The following CFAP299 variants were observed in gnomAD, a reference collection of about 807,000 sequenced individuals.
CFAP299 encodes cilia- and flagella-associated protein 299.
CFAP299 carries 21 observed loss-of-function variants against 27.0 expected under a neutral mutation model. The observed-to-expected ratio is 0.78, with a 90% confidence interval of 0.55 to 1.12. CFAP299 has a LOEUF of 1.12. Among genes scored for constraint, CFAP299 ranks in the 50% most tolerant of loss-of-function variants. The pLI, the probability that CFAP299 is intolerant of heterozygous loss-of-function variation, is 0.00. For missense variants in CFAP299, 310 were observed against 276.6 expected, an observed-to-expected ratio of 1.12 and a Z score of -0.86; for synonymous variants, 104 against 98.1, an observed-to-expected ratio of 1.06 and a Z score of -0.36.
At chr4:80,886,244 C>T (rs1420722767) in intron 4 of CFAP299, among the ~76,000 whole-genome samples, 1 of 152,194 alleles carries the variant, frequency 6.6e-6, no homozygotes, top group Non-Finnish European at 1.5e-5. Context: ...GGCTCCCAGA[C>T]AGCATTTCTG....
At chr4:80,716,460 C>T (rs1246028414) in intron 3 of CFAP299, among the ~76,000 whole-genome samples, 8 of 151,376 alleles carry the variant, frequency 5.3e-5, no homozygotes, top group Non-Finnish European at 1.2e-4. Flanking sequence ...CAGTTGAGTT[C>T]ACTGATGACA....
chr4:80,893,705 TA>T (rs147736137), intron 4 of CFAP299, among the ~76,000 whole-genome samples: 5,973 of 150,708 alleles, frequency 0.04, 412 homozygotes, highest in African/African-American at 0.14. Flanking sequence ...GCAATGTATA[TA>T]AAAATAAACA....
intron 3 of CFAP299, among the ~76,000 whole-genome samples, chr4:80,864,330 C>T (rs1228998764): frequency 6.7e-6 from 1 of 150,318 alleles, no homozygotes; most frequent in Non-Finnish European, 1.5e-5. Flanking sequence ...CTTCAAGGGG[C>T]TCTTTTGACC....
intron 4 of CFAP299, among the ~76,000 whole-genome samples, chr4:80,938,568 C>T (rs970998270): frequency 2.0e-5 from 3 of 152,164 alleles, no homozygotes; most frequent in Non-Finnish European, 4.4e-5. Flanking sequence ...GGGTAAATAT[C>T]TGTTAGAGAC....
chr4:80,436,878 G>A lies in CFAP299; in HGVS notation c.242+73994G>A, dbSNP rs563975273. On this transcript the variant is annotated intron_variant, in intron 2 of 5. Coordinates refer to ENST00000358105, the MANE Select transcript of CFAP299 (RefSeq NM_152770.3). ...TGAAGGTGTTGATATTTTGGGTCTC[G>A]TAACAGTCAGCTATTGCTTCTGTTT... Among the ~76,000 whole-genome samples, 524 of 152,218 alleles carry A rather than the reference G, an allele frequency of 3.4e-3. 1 individual carries two copies. The highest frequency in any genetic ancestry group is 0.012 in the African/African-American group (498 of 41,516).
At chr4:80,355,590 T>C (rs530612695) in intron 1 of CFAP299, among the ~76,000 whole-genome samples, 1 of 152,248 alleles carries the variant, frequency 6.6e-6, no homozygotes, top group African/African-American at 2.4e-5. Context: ...ACTTCTGACC[T>C]CATGATCCAT....
intron 2 of CFAP299, among the ~76,000 whole-genome samples, chr4:80,514,420 G>T (rs1250790340): frequency 6.6e-6 from 1 of 152,026 alleles, no homozygotes; most frequent in African/African-American, 2.4e-5. Context: ...GATGGGAAAA[G>T]AGAAGGCCAA....
intron 3 of CFAP299, among the ~76,000 whole-genome samples, chr4:80,689,685 C>T: frequency 6.6e-6 from 1 of 152,102 alleles, no homozygotes; most frequent in Non-Finnish European, 1.5e-5. Flanking sequence ...CAAATTCACA[C>T]ATAACAATAT....
At chr4:80,566,586 C>A (rs1197330778) in intron 2 of CFAP299, among the ~76,000 whole-genome samples, 3 of 152,034 alleles carry the variant, frequency 2.0e-5, no homozygotes, top group Admixed American at 1.3e-4. Context: ...CTTTCTAAAG[C>A]CTCACTTGCT....
At chr4:80,482,361 T>G (rs1730607356) in intron 2 of CFAP299, among the ~76,000 whole-genome samples, 1 of 152,098 alleles carries the variant, frequency 6.6e-6, no homozygotes, top group Non-Finnish European at 1.5e-5. Flanking sequence ...AAAGTATTCT[T>G]TTTGGAAATA....
At chr4:80,795,448 C>G in intron 3 of CFAP299, among the ~76,000 whole-genome samples, 1 of 152,184 alleles carries the variant, frequency 6.6e-6, no homozygotes, top group Middle Eastern at 3.2e-3. Context: ...CAGCTGTCCA[C>G]TTTCAGGTGG....
At chr4:80,367,347 A>G (rs927633523) in intron 2 of CFAP299, among the ~76,000 whole-genome samples, 4 of 152,222 alleles carry the variant, frequency 2.6e-5, no homozygotes, top group Non-Finnish European at 5.9e-5. Context: ...ATGTTTGACC[A>G]CTAAATTGAT....
chr4:80,524,201 A>G (rs1307746281), intron 2 of CFAP299, among the ~76,000 whole-genome samples: 2 of 152,058 alleles, frequency 1.3e-5, no homozygotes, highest in African/African-American at 4.8e-5. Flanking sequence ...CAGCCACAAA[A>G]TGTTGACCTT....
chr4:80,659,419 CA>C (rs1424144429), intron 3 of CFAP299, among the ~76,000 whole-genome samples: 1 of 151,088 alleles, frequency 6.6e-6, no homozygotes, highest in African/African-American at 2.4e-5. Context: ...AATCAATATC[CA>C]AAAATAAATA....
intron 3 of CFAP299, among the ~76,000 whole-genome samples, chr4:80,729,682 CT>C (rs1560721236): frequency 6.9e-6 from 1 of 145,234 alleles, no homozygotes; most frequent in Non-Finnish European, 1.5e-5. Context: ...TCACTACAAG[CT>C]CCACCTTCCG....
chr4:80,858,987 T>A (rs1400888085), intron 3 of CFAP299, among the ~76,000 whole-genome samples: 1 of 152,238 alleles, frequency 6.6e-6, no homozygotes, highest in Non-Finnish European at 1.5e-5. Context: ...GTCTTGTTGA[T>A]CTGTCTAATG....
chr4:80,608,400 GAA>G (rs1560653374), intron 3 of CFAP299: 11 of 1,502,432 alleles, frequency 7.3e-6, no homozygotes, highest in Non-Finnish European at 8.9e-6. Flanking sequence ...ACTGCTTATG[GAA>G]AAGTTTCCTT....
chr4:80,548,953 C>T (rs6815821), intron 2 of CFAP299, among the ~76,000 whole-genome samples: 6,783 of 151,936 alleles, frequency 0.045, 533 homozygotes, highest in African/African-American at 0.15. Flanking sequence ...TTCCAGGTAG[C>T]GTTTTCAGCA....
At chr4:80,394,338 T>C (rs1725658546) in intron 2 of CFAP299, among the ~76,000 whole-genome samples, 1 of 152,080 alleles carries the variant, frequency 6.6e-6, no homozygotes, top group African/African-American at 2.4e-5. Flanking sequence ...GAATATTAAC[T>C]CTTTTTCAGA....
Sources: allele counts gnomAD v4.1 joint callset (sites outside exome capture counted in the v4.1 genomes callset), GRCh38; gene constraint gnomAD v4.1.1; transcripts MANE v1.5; gene names NCBI Gene and HGNC (gene_info 2026-07-23, HGNC 2026-07-21).